The following GNA12 variants were observed in gnomAD, a reference collection of about 807,000 sequenced individuals.
GNA12 encodes G protein subunit alpha 12.
Under a neutral mutation model 26.0 loss-of-function variants are expected in GNA12, and 9 were observed. That is an observed-to-expected ratio of 0.35 (90% CI 0.21 to 0.60). GNA12 has a LOEUF of 0.60. Ranked by LOEUF, GNA12 falls within the 20% of genes least tolerant of loss-of-function variation. The pLI is 0.78. For synonymous variants in GNA12, 264 were observed against 219.6 expected, an observed-to-expected ratio of 1.20 and a Z score of -1.79; for missense variants, 405 against 525.8, an observed-to-expected ratio of 0.77 and a Z score of 2.25.
intron 2 of GNA12, among the ~76,000 whole-genome samples, chr7:2,791,953 T>A (rs2115452739): frequency 6.6e-6 from 1 of 152,320 alleles, no homozygotes; most frequent in African/African-American, 2.4e-5. Flanking sequence ...TTTCACATCA[T>A]CATCTCTGCA....
Position 2,772,740 on chromosome 7 carries a change from G to A in GNA12, c.525+22188C>T, listed in dbSNP as rs1446747620. ...TGCTGGAGAGACTATAAACCAGTAC[G>A]GCCAGTTTGGAGAAATAGTTGGCAA... On this transcript the variant is annotated intron_variant, in intron 2 of 3. Coordinates refer to ENST00000275364, the MANE Select transcript of GNA12 (RefSeq NM_007353.3). 1.3e-5 allele frequency among the ~76,000 whole-genome samples: 2 copies of A among 152,200 alleles called. 1 individual carries two copies. Among genetic ancestry groups the A allele is most frequent in the South Asian group, 4.2e-4 (2 of 4,818 alleles).
chr7:2,755,880 G>A (rs1791269663), intron 2 of GNA12, among the ~76,000 whole-genome samples: 1 of 152,162 alleles, frequency 6.6e-6, no homozygotes, highest in Non-Finnish European at 1.5e-5. Context: ...ATTCAACATT[G>A]TTGTTTATGC....
chr7:2,814,222 C>T, intron 1 of GNA12: 1 of 760,454 alleles, frequency 1.3e-6, no homozygotes, highest in Admixed American at 2.0e-5. Context: ...TTTTATACAT[C>T]TATGTATCCT....
At chr7:2,821,910 T>C (rs939914684) in intron 1 of GNA12, among the ~76,000 whole-genome samples, 4 of 152,212 alleles carry the variant, frequency 2.6e-5, no homozygotes, top group African/African-American at 9.6e-5. Flanking sequence ...AATTTATTTA[T>C]GCATCCAACA....
rs999544719 is a variant in GNA12 at position 2,729,381 on chromosome 7, A to C, written c.*1800T>G. The stretch of plus-strand genomic sequence containing the variant: ...TGGTCATCGGCACTCATCTCCGGTC[A>C]CATCCGTGAGGTCTGTGAAGAGCCA... On this transcript the variant is annotated 3_prime_UTR_variant, in exon 4 of 4. Coordinates refer to ENST00000275364, the MANE Select transcript of GNA12 (RefSeq NM_007353.3). 2.6e-5 allele frequency: 4 copies of C among 152,390 alleles called. No individual in the cohort carries two copies. Among genetic ancestry groups the C allele is most frequent in the Non-Finnish European group, 5.9e-5 (4 of 68,046 alleles). 9.4% of individuals were successfully genotyped at this position (152,390 alleles called of 1,614,324 possible).
At position 2,730,856 on chromosome 7, in the gene GNA12, CTCAA is replaced by C. The variant is rs1324232977; in HGVS notation, c.*321_*324del. The C allele has an allele frequency of 3.7e-6, 1 of 267,706 alleles. No individual in the cohort carries two copies. The highest frequency in any genetic ancestry group is 3.2e-5 in the African/African-American group (1 of 31,706). The allele number at this position is 267,706 out of a possible 1,614,324, so 16.6% of individuals were successfully genotyped here. A position where few individuals can be genotyped will look rare whatever the true frequency, so the allele number is the denominator to read the frequency against. ...ACACACATACACACACAACACGGTC[CTCAA>C]TTAAACTGCGTCAGAAAAAGAGGAA... On this transcript the variant is annotated 3_prime_UTR_variant, in exon 4 of 4. Transcript: ENST00000275364.
At chr7:2,812,400 C>T (rs572351044) in intron 1 of GNA12, among the ~76,000 whole-genome samples, 1 of 152,206 alleles carries the variant, frequency 6.6e-6, no homozygotes, top group East Asian at 1.9e-4. Flanking sequence ...GAGGCTGAGG[C>T]GGGCGGACCA....
chr7:2,792,116 G>A (rs1159394375), intron 2 of GNA12, among the ~76,000 whole-genome samples: 4 of 152,170 alleles, frequency 2.6e-5, no homozygotes, highest in Non-Finnish European at 5.9e-5. Context: ...CCCGCCAAGT[G>A]CACGTCTAGA....
At chr7:2,827,661 C>T (rs1022077138) in intron 1 of GNA12, among the ~76,000 whole-genome samples, 3 of 152,136 alleles carry the variant, frequency 2.0e-5, no homozygotes, top group Non-Finnish European at 4.4e-5. Context: ...GACACCAGGA[C>T]ATGACTTAGA....
At position 2,808,568 on chromosome 7, in the gene GNA12, G is replaced by A. The variant is rs562156049; in HGVS notation, c.310-13425C>T. Reference sequence around the variant, plus strand: ...CCTCACTCCCCACAGAGCAGCAGCGGCCTGCAGCTAGGGGAGATGCACCAT... The same window carrying A: ...CCTCACTCCCCACAGAGCAGCAGCGACCTGCAGCTAGGGGAGATGCACCAT... On this transcript the variant is annotated intron_variant, in intron 1 of 3. Coordinates refer to ENST00000275364, the MANE Select transcript of GNA12 (RefSeq NM_007353.3). 1.8e-3 allele frequency among the ~76,000 whole-genome samples: 268 copies of A among 152,320 alleles called. 2 individuals are homozygous for A. Among genetic ancestry groups the A allele is most frequent in the African/African-American group, 6.4e-3 (266 of 41,562 alleles).
chr7:2,828,576 A>G (rs1205465778), intron 1 of GNA12, among the ~76,000 whole-genome samples: 1 of 152,222 alleles, frequency 6.6e-6, no homozygotes, highest in African/African-American at 2.4e-5. Context: ...GTTGTCTACC[A>G]AGCTGGCTGC....
intron 1 of GNA12, among the ~76,000 whole-genome samples, chr7:2,819,755 G>C (rs1443218815): frequency 6.6e-6 from 1 of 152,248 alleles, no homozygotes; most frequent in African/African-American, 2.4e-5. Flanking sequence ...ACACAAGCAC[G>C]GTTAGACCCC....
intron 2 of GNA12, among the ~76,000 whole-genome samples, chr7:2,782,751 C>A (rs530062842): frequency 1.1e-4 from 16 of 151,958 alleles, no homozygotes; most frequent in Non-Finnish European, 2.1e-4. Context: ...GGTGCTGCCC[C>A]GACTTTTCTT....
chr7:2,770,969 G>C lies in GNA12; in HGVS notation c.525+23959C>G, dbSNP rs75661939. 5.1e-3 allele frequency among the ~76,000 whole-genome samples: 780 copies of C among 152,230 alleles called. 7 individuals are homozygous for C. Among genetic ancestry groups the C allele is most frequent in the African/African-American group, 0.018 (735 of 41,534 alleles). On this transcript the variant is annotated intron_variant, in intron 2 of 3. Coordinates refer to ENST00000275364, the MANE Select transcript of GNA12 (RefSeq NM_007353.3). The stretch of plus-strand genomic sequence containing the variant: ...ACTCCTTGCAGAGCAAATGGACAGG[G>C]AACAGACTTAGTAAACCAAATTATT...
intron 2 of GNA12, among the ~76,000 whole-genome samples, chr7:2,739,417 G>A (rs574566297): frequency 1.2e-4 from 18 of 152,240 alleles, no homozygotes; most frequent in East Asian, 3.9e-4. Context: ...TACTTGGTGC[G>A]GCATTTCCGA....
intron 2 of GNA12, among the ~76,000 whole-genome samples, chr7:2,746,575 T>C (rs1423738352): frequency 4.0e-5 from 6 of 151,748 alleles, no homozygotes; most frequent in African/African-American, 1.2e-4. Flanking sequence ...AGGAAAAATC[T>C]AAAATTGACA....
intron 2 of GNA12, among the ~76,000 whole-genome samples, chr7:2,784,085 A>C (rs1321656112): frequency 1.3e-5 from 2 of 152,186 alleles, no homozygotes; most frequent in African/African-American, 2.4e-5. Flanking sequence ...AATCATTTTT[A>C]TCTCATTTTA....
chr7:2,735,111 T>C (rs1378879503), intron 2 of GNA12, among the ~76,000 whole-genome samples: 1 of 97,972 alleles, frequency 1.0e-5, no homozygotes, highest in Non-Finnish European at 2.5e-5. Context: ...TTGGGTGCAC[T>C]CACTCCCTGA....
At chr7:2,823,821 ATTAC>A (rs1793422138) in intron 1 of GNA12, among the ~76,000 whole-genome samples, 1 of 152,244 alleles carries the variant, frequency 6.6e-6, no homozygotes, top group Non-Finnish European at 1.5e-5. Context: ...ATGCAGTAAA[ATTAC>A]TTAGAGAAAG....
Sources: gnomAD v4.1 joint callset for allele counts (sites outside exome capture counted in the v4.1 genomes callset) on GRCh38, gnomAD v4.1.1 for gene constraint, MANE v1.5 for transcripts, NCBI Gene and HGNC (gene_info 2026-07-23, HGNC 2026-07-21) for gene names.